Variants in NFIB observed in about 807,000 individuals in gnomAD.
The protein encoded by NFIB is nuclear factor 1 B-type.
A neutral mutation model predicts 61.5 loss-of-function variants in NFIB; 11 were observed. The ratio of observed to expected loss-of-function variants is 0.18; its 90% CI spans 0.11 to 0.30. The LOEUF is 0.30. Ranked by LOEUF, NFIB falls within the 10% of genes least tolerant of loss-of-function variation. NFIB has a pLI of 1.00. For missense variants in NFIB, 471 were observed against 608.9 expected, an observed-to-expected ratio of 0.77 and a Z score of 2.38; for synonymous variants, 260 against 216.5, an observed-to-expected ratio of 1.20 and a Z score of -1.76.
intron 10 of NFIB, among the ~76,000 whole-genome samples, chr9:14,107,443 CTTAAA>C (rs1449844175): frequency 6.6e-6 from 1 of 151,966 alleles, no homozygotes; most frequent in African/African-American, 2.4e-5. Flanking sequence ...GTAGAATTAA[CTTAAA>C]TGAGTATGCA....
intron 2 of NFIB, among the ~76,000 whole-genome samples, chr9:14,187,027 A>ATGTGTGTGTGTGTGTGTG (rs71491637): frequency 1.3e-4 from 8 of 61,042 alleles, no homozygotes; most frequent in African/African-American, 3.0e-4. Flanking sequence ...GTGTGTGTGT[A>ATGTGTGTGTGTGTGTGTG]TGTGTGTGTG....
At chr9:14,164,303 G>C (rs1381066024) in intron 3 of NFIB, among the ~76,000 whole-genome samples, 2 of 151,952 alleles carry the variant, frequency 1.3e-5, no homozygotes, top group African/African-American at 4.8e-5. Flanking sequence ...ATGGTTGTAT[G>C]AACATCACAG....
At chr9:14,485,550 C>T in the NFIB span, among the ~76,000 whole-genome samples, 1 of 152,166 alleles carries the variant, frequency 6.6e-6, no homozygotes, top group Non-Finnish European at 1.5e-5. Flanking sequence ...CCAGACACTG[C>T]TAGGATCTGG....
At chr9:14,278,174 T>C (rs2058132399) in intron 2 of NFIB, among the ~76,000 whole-genome samples, 1 of 152,164 alleles carries the variant, frequency 6.6e-6, no homozygotes, top group African/African-American at 2.4e-5. Context: ...TAATTGGCAG[T>C]CCCTCCCCAG....
At chr9:14,496,627 C>T in the NFIB span, among the ~76,000 whole-genome samples, 2 of 152,152 alleles carry the variant, frequency 1.3e-5, no homozygotes, top group Non-Finnish European at 2.9e-5. Flanking sequence ...CCTTGCATTT[C>T]GTAGTCCATC....
At chr9:14,385,799 T>C (rs1157702389) in intron 1 of NFIB, among the ~76,000 whole-genome samples, 1 of 152,038 alleles carries the variant, frequency 6.6e-6, no homozygotes, top group Non-Finnish European at 1.5e-5. Flanking sequence ...TTTTTTTTTT[T>C]TGAAACAGAG....
At chr9:14,229,231 T>G (rs1174252013) in intron 2 of NFIB, among the ~76,000 whole-genome samples, 1 of 152,184 alleles carries the variant, frequency 6.6e-6, no homozygotes, top group Admixed American at 6.5e-5. Context: ...ATGAATTCTA[T>G]TGAACCAATA....
chr9:14,196,158 T>C (rs753532271), intron 2 of NFIB, among the ~76,000 whole-genome samples: 70 of 152,086 alleles, frequency 4.6e-4, no homozygotes, highest in Non-Finnish European at 8.7e-4. Flanking sequence ...TTAACATTCA[T>C]TAAGCATCAA....
upstream of NFIB, among the ~76,000 whole-genome samples, chr9:14,402,402 C>G (rs1243020772): frequency 9.2e-5 from 14 of 152,074 alleles, 1 homozygote; most frequent in Admixed American, 9.2e-4. Context: ...GAAAAATGAA[C>G]AGTTTCAGTT....
In NFIB at chr9:14,146,798, G is replaced by T; in HGVS notation, c.816C>A (p.Pro272=). ...TATTTTCATCTATGGATATAGTTTT[G>T]GGTCTTTTGCTGTTAAAATATGGCA... is the stretch of plus-strand genomic sequence containing the variant. ...SLSSPPSSKR[P]KTISIDENME... is the part of the protein sequence containing the mutation. The change falls in exon 6 of 11, where the codon CCC becomes CCA. Residue 272 remains proline, a synonymous_variant. Transcript: ENST00000380953. The T allele has an allele frequency of 6.2e-7, 1 of 1,604,494 alleles. No homozygotes were observed. The highest frequency in any genetic ancestry group is 1.1e-5 in the South Asian group (1 of 88,324).
chr9:14,240,201 T>C (rs1397214603), intron 2 of NFIB, among the ~76,000 whole-genome samples: 3 of 152,122 alleles, frequency 2.0e-5, no homozygotes, highest in Non-Finnish European at 4.4e-5. Flanking sequence ...GGCCTAAAGT[T>C]TGGAAAAATT....
intron 2 of NFIB, among the ~76,000 whole-genome samples, chr9:14,224,966 G>C (rs1030848992): frequency 2.0e-5 from 3 of 152,050 alleles, no homozygotes; most frequent in African/African-American, 4.8e-5. Context: ...CGAATTTCCA[G>C]TATACATTAC....
At chr9:14,449,200 A>G in the NFIB span, among the ~76,000 whole-genome samples, 1 of 152,216 alleles carries the variant, frequency 6.6e-6, no homozygotes, top group East Asian at 1.9e-4. Context: ...AATGTTCAGA[A>G]GTCAGTCGTT....
intron 10 of NFIB, among the ~76,000 whole-genome samples, chr9:14,109,674 G>A (rs141811788): frequency 2.0e-5 from 3 of 152,080 alleles, no homozygotes; most frequent in African/African-American, 4.8e-5. Context: ...TCAAGATTGT[G>A]TTAAGAGATA....
chr9:14,388,855 T>C (rs773959029), intron 1 of NFIB, among the ~76,000 whole-genome samples: 1 of 152,228 alleles, frequency 6.6e-6, no homozygotes, highest in Non-Finnish European at 1.5e-5. Context: ...TTTGTGTATA[T>C]GACATGTCTT....
the NFIB span, among the ~76,000 whole-genome samples, chr9:14,475,338 T>C: frequency 6.6e-6 from 1 of 152,078 alleles, no homozygotes; most frequent in African/African-American, 2.4e-5. Flanking sequence ...AAATGCAAAA[T>C]AGGATAAGAA....
At chr9:14,260,352 A>G (rs188580293) in intron 2 of NFIB, among the ~76,000 whole-genome samples, 1 of 152,230 alleles carries the variant, frequency 6.6e-6, no homozygotes, top group Non-Finnish European at 1.5e-5. Flanking sequence ...CACCAAGGAC[A>G]CTATGAAATG....
At chr9:14,318,296 T>A (rs897055383), upstream of NFIB, among the ~76,000 whole-genome samples, 9 of 152,232 alleles carry the variant, frequency 5.9e-5, no homozygotes, top group African/African-American at 2.2e-4. Context: ...AAAACCCAGT[T>A]GTATATTTGA....
At chr9:14,525,389 C>T in the NFIB span, among the ~76,000 whole-genome samples, 1 of 152,126 alleles carries the variant, frequency 6.6e-6, no homozygotes, top group Non-Finnish European at 1.5e-5. Context: ...TCCTCTTCTC[C>T]CCTTATCAGT....
Sources: allele counts gnomAD v4.1 joint callset (sites outside exome capture counted in the v4.1 genomes callset), GRCh38; gene constraint gnomAD v4.1.1; transcripts MANE v1.5; gene names NCBI Gene and HGNC (gene_info 2026-07-23, HGNC 2026-07-21).